The following KIZ variants were observed in gnomAD, a reference collection of about 807,000 sequenced individuals.
The protein encoded by KIZ is kizuna centrosomal protein.
KIZ carries 68 observed loss-of-function variants against 79.6 expected under a neutral mutation model. The observed-to-expected ratio is 0.85, with a 90% CI of 0.70 to 1.05. The LOEUF (loss-of-function observed/expected upper bound fraction) is 1.05, where lower values mean the gene tolerates loss of function less well. KIZ is among the 50% of genes least tolerant of loss of function. The pLI is 0.00. For missense variants in KIZ, 797 were observed against 800.4 expected (o/e 1.00, Z 0.05); for synonymous variants, 280 against 281.8 (o/e 0.99, Z 0.06).
In KIZ at chr20:21,161,876, A is replaced by G. The variant is rs754013615; in HGVS notation, c.411A>G (p.Ala137=). The change falls in exon 5 of 13, where the codon GCA becomes GCG. Residue 137 remains alanine (A), a synonymous_variant. Transcript: ENST00000619189. ...ELTDEDREKV[A]VHEGINSGTA... is the part of the protein sequence containing the mutation. The stretch of plus-strand genomic sequence containing the variant: ...CATCTCTTTTGGTGTTGCAGGTTGC[A>G]GTGCACGAGGGGATTAACTCAGGAA... The G allele has an allele frequency of 2.5e-6, 4 of 1,608,328 alleles. No homozygotes were observed. In the South Asian group the frequency reaches 3.3e-5, roughly 13 times the overall value.
At chr20:21,232,555 C>T (rs2036868283) in intron 10 of KIZ, among the ~76,000 whole-genome samples, 179 bp from the exon 11 acceptor site, 1 of 152,178 alleles carries the variant, frequency 6.6e-6, no homozygotes, top group African/African-American at 2.4e-5. Context: ...CACTCCCTTT[C>T]GGTATTCTAC....
At chr20:21,215,076 A>C (rs192538619) in intron 8 of KIZ, among the ~76,000 whole-genome samples, 102 of 152,330 alleles carry the variant, frequency 6.7e-4, no homozygotes, top group Middle Eastern at 3.4e-3. Context: ...CATAATTGTA[A>C]ACATTACTTT....
chr20:21,186,902 C>T (rs887362080), intron 6 of KIZ, among the ~76,000 whole-genome samples: 3 of 151,874 alleles, frequency 2.0e-5, no homozygotes, highest in Non-Finnish European at 4.4e-5. Context: ...CTTTGGCTTC[C>T]TCTTAGCAGC....
chr20:21,214,659 A>T lies in KIZ; in HGVS notation c.1571A>T (p.Lys524Ile), dbSNP rs763190089. 1 of 1,612,412 alleles carries T rather than the reference A, an allele frequency of 6.2e-7. No homozygotes were observed. The highest frequency in any genetic ancestry group is 1.7e-5 in the Admixed American group (1 of 60,004). ...LNDNSGIKEA[K>I]PAVWLNSVPT... ...GACAATAGTGGAATAAAGGAAGCCA[A>T]ACCTGCTGTATGGCTCAACAGTGTT... Residue 524 changes from lysine to isoleucine, a missense_variant, in exon 8 of 13, where the codon AAA becomes ATA. By Grantham distance (102) the Lys-to-Ile change is moderately radical. Coordinates refer to ENST00000619189, the MANE Select transcript of KIZ (RefSeq NM_018474.6).
intron 6 of KIZ, among the ~76,000 whole-genome samples, chr20:21,168,047 A>G (rs2034029317): frequency 6.6e-6 from 1 of 152,102 alleles, no homozygotes; most frequent in Admixed American, 6.6e-5. Flanking sequence ...CATTAGGTAT[A>G]TCTCCAAATG....
Position 21,244,188 on chromosome 20 carries a change from ATAT to A in KIZ, c.1881-54_1881-52del, listed in dbSNP as rs1161919358. ...CTTCTCTAATGCGTTCATTATGAAA[ATAT>A]TAGTCTCATTGTCTTTTCTTTTTCA... On this transcript the variant is annotated intron_variant, in intron 11 of 12. Coordinates refer to ENST00000619189, the MANE Select transcript of KIZ (RefSeq NM_018474.6). 3 of 1,230,334 alleles carry A rather than the reference ATAT, an allele frequency of 2.4e-6. No homozygotes were observed. In the Admixed American group the frequency reaches 5.3e-5, roughly 22 times the overall value. The allele number at this position is 1,230,334 out of a possible 1,614,324, so 76.2% of individuals were successfully genotyped here.
chr20:21,162,453 G>A lies in KIZ; in HGVS notation c.988G>A (p.Glu330Lys). Residue 330 changes from glutamate to lysine, a missense_variant, in exon 5 of 13, where the codon GAA becomes AAA. Coordinates refer to ENST00000619189, the MANE Select transcript of KIZ (RefSeq NM_018474.6). Reference sequence around the variant, plus strand: ...TCCGATACCAGTTTCAGAATACTGTGAATCTGAAAATAAGTGGTCTCAAGA... The same window carrying A: ...TCCGATACCAGTTTCAGAATACTGTAAATCTGAAAATAAGTGGTCTCAAGA... ...VSPIPVSEYC[E>K]SENKWSQEKH... The A allele has an allele frequency of 6.2e-7, 1 of 1,612,796 alleles. No homozygotes were observed. Among genetic ancestry groups the A allele is most frequent in the Non-Finnish European group, 8.5e-7 (1 of 1,178,934 alleles).
chr20:21,228,578 C>T (rs2123420300), intron 9 of KIZ, among the ~76,000 whole-genome samples: 2 of 152,282 alleles, frequency 1.3e-5, no homozygotes, highest in Middle Eastern at 3.4e-3. Flanking sequence ...TCTCCCCATT[C>T]CCCCAGCCCT....
At chr20:21,240,816 G>T (rs1333119957) in intron 11 of KIZ, among the ~76,000 whole-genome samples, 1 of 152,226 alleles carries the variant, frequency 6.6e-6, no homozygotes, top group Non-Finnish European at 1.5e-5. Context: ...AAATTTCCGT[G>T]TCTATACGTG....
chr20:21,126,390 G>C (rs963120313), intron 1 of KIZ, among the ~76,000 whole-genome samples, 186 bp downstream of exon 1: 1 of 152,096 alleles, frequency 6.6e-6, no homozygotes, highest in Admixed American at 6.5e-5. Flanking sequence ...TGTATTGGGG[G>C]TGGGAGCGGA....
chr20:21,214,818 A>T, intron 8 of KIZ, 118 bp downstream of exon 8: 1 of 550,558 alleles, frequency 1.8e-6, no homozygotes, highest in Non-Finnish European at 3.2e-6. Context: ...TTTAATATGC[A>T]TAATATAGTA....
At chr20:21,242,860 A>T (rs2252714) in intron 11 of KIZ, among the ~76,000 whole-genome samples, 102,620 of 151,974 alleles carry the variant, frequency 0.68, 34,705 homozygotes, top group South Asian at 0.79. Flanking sequence ...CTCTCCATCC[A>T]CCCAGCTGGC....
At chr20:21,151,505 AGG>A (rs965952956) in intron 4 of KIZ, 1 of 152,208 alleles carries the variant, frequency 6.6e-6, no homozygotes, top group Non-Finnish European at 1.5e-5. Context: ...GTGGATGAGA[AGG>A]GGAAAAGAAA....
Position 21,131,303 on chromosome 20 carries a change from G to T in KIZ, c.90-794G>T, listed in dbSNP as rs553745029. ...GCTAGCACTCACCTGAACAGCACAG[G>T]TTCAGTCTTTACTGGTAGTAGCTCC... is the stretch of plus-strand genomic sequence containing the variant. On this transcript the variant is annotated intron_variant, in intron 1 of 12. Coordinates refer to ENST00000619189, the MANE Select transcript of KIZ (RefSeq NM_018474.6). 2.0e-5 allele frequency among the ~76,000 whole-genome samples: 3 copies of T among 152,332 alleles called. No individual in the cohort carries two copies. The South Asian group carries it at 6.2e-4, about 32-fold the overall frequency.
In KIZ at chr20:21,134,595, T is replaced by C. The variant is rs549299371; in HGVS notation, c.153-1795T>C. The stretch of plus-strand genomic sequence containing the variant: ...TGACATGCTGTTCCCCCACCTGGAA[T>C]GTTTTCCCCTCATCTTTTCATTTTT... On this transcript the variant is annotated intron_variant, in intron 2 of 12. Coordinates refer to ENST00000619189, the MANE Select transcript of KIZ (RefSeq NM_018474.6). 5.4e-4 allele frequency among the ~76,000 whole-genome samples: 82 copies of C among 152,156 alleles called. 2 individuals carry two copies. The highest frequency in any genetic ancestry group is 6.5e-4 in the Admixed American group (10 of 15,282).
At chr20:21,198,297 C>G (rs529432053) in intron 6 of KIZ, 1 of 152,398 alleles carries the variant, frequency 6.6e-6, no homozygotes, top group Admixed American at 6.5e-5. Context: ...CTCCTGACCT[C>G]GTGATCCGCC....
chr20:21,208,508 C>T (rs1040700433), intron 7 of KIZ, among the ~76,000 whole-genome samples: 1 of 152,142 alleles, frequency 6.6e-6, no homozygotes, highest in African/African-American at 2.4e-5. Flanking sequence ...TCGAGACCAT[C>T]TTGGCTAACA....
At chr20:21,204,326 G>T (rs1045986168) in intron 6 of KIZ, among the ~76,000 whole-genome samples, 1 of 151,070 alleles carries the variant, frequency 6.6e-6, no homozygotes, top group Non-Finnish European at 1.5e-5. Flanking sequence ...CGTTTTAGCC[G>T]GGATGGTCTC....
chr20:21,203,865 TCTTTA>T (rs1430849677), intron 6 of KIZ, among the ~76,000 whole-genome samples: 2 of 152,134 alleles, frequency 1.3e-5, no homozygotes, highest in Non-Finnish European at 2.9e-5. Flanking sequence ...GTGTTAAATA[TCTTTA>T]CTTTGTTGTA....
Sources: allele counts gnomAD v4.1 joint callset (sites outside exome capture counted in the v4.1 genomes callset), GRCh38; gene constraint gnomAD v4.1.1; transcripts MANE v1.5; gene names NCBI Gene and HGNC (gene_info 2026-07-23, HGNC 2026-07-21).